Variants in RBFOX1 observed in about 807,000 individuals in gnomAD.
RBFOX1 encodes the protein RNA binding fox-1 homolog 1.
In RBFOX1, 8 loss-of-function variants were observed where a neutral mutation model predicts 57.7. The ratio of observed to expected loss-of-function variants is 0.14; its 90% confidence interval spans 0.08 to 0.25. The LOEUF is 0.25. Among genes scored for constraint, RBFOX1 ranks in the 10% least tolerant of loss-of-function variants. RBFOX1 has a pLI of 1.00. For missense variants in RBFOX1, 611 were observed against 548.5 expected, an observed-to-expected ratio of 1.11 and a Z score of -1.14; for synonymous variants, 326 against 222.4, an observed-to-expected ratio of 1.47 and a Z score of -4.15.
intron 4 of RBFOX1, among the ~76,000 whole-genome samples, chr16:7,286,445 C>CTTT (rs1555669859): frequency 2.1e-5 from 3 of 143,682 alleles, no homozygotes; most frequent in Admixed American, 7.1e-5. Flanking sequence ...TTGATACTTT[C>CTTT]TTATTTTTTT....
intron 1 of RBFOX1, among the ~76,000 whole-genome samples, chr16:6,130,766 C>G (rs532389488): frequency 3.3e-5 from 5 of 152,150 alleles, no homozygotes; most frequent in Admixed American, 6.6e-5. Flanking sequence ...GAAGTATTAG[C>G]AAAGTGGAAA....
chr16:5,516,447 A>G (rs1159090215), intron 2 of RBFOX1, among the ~76,000 whole-genome samples: 1 of 152,172 alleles, frequency 6.6e-6, no homozygotes, highest in Non-Finnish European at 1.5e-5. Flanking sequence ...TGCATAAGTT[A>G]CTTGACCTCT....
chr16:6,402,192 C>T (rs1440996698), intron 2 of RBFOX1, among the ~76,000 whole-genome samples: 2 of 152,080 alleles, frequency 1.3e-5, no homozygotes, highest in African/African-American at 2.4e-5. Flanking sequence ...GCTTGAGTCC[C>T]TGCAGTGTAC....
intron 4 of RBFOX1, among the ~76,000 whole-genome samples, chr16:7,248,002 C>G (rs568445481): frequency 6.6e-6 from 1 of 152,132 alleles, no homozygotes. Context: ...ACAAGTTTAC[C>G]CAAATAACAA....
chr16:6,520,219 T>C (rs1464520559), intron 2 of RBFOX1, among the ~76,000 whole-genome samples: 1 of 152,214 alleles, frequency 6.6e-6, no homozygotes, highest in East Asian at 1.9e-4. Context: ...ATGTGCTTTT[T>C]AAAGAAAGGA....
chr16:5,489,420 T>C (rs188852758), intron 2 of RBFOX1, among the ~76,000 whole-genome samples: 10 of 152,324 alleles, frequency 6.6e-5, no homozygotes, highest in African/African-American at 2.2e-4. Context: ...ATCAGCCAGG[T>C]AGGTTAAAAG....
chr16:7,708,445 A>G (rs2083209606), intron 14 of RBFOX1, among the ~76,000 whole-genome samples: 1 of 152,070 alleles, frequency 6.6e-6, no homozygotes, highest in Non-Finnish European at 1.5e-5. Context: ...CTGGCCATGG[A>G]TTAATGTGAC....
intron 3 of RBFOX1, among the ~76,000 whole-genome samples, chr16:6,974,212 G>T (rs941462140): frequency 3.3e-5 from 5 of 151,804 alleles, no homozygotes; most frequent in Non-Finnish European, 7.4e-5. Context: ...CCATGTCTTT[G>T]CTTAATGGGG....
At chr16:5,612,218 C>CATTG (rs1383793134) in intron 3 of RBFOX1, among the ~76,000 whole-genome samples, 4 of 150,618 alleles carry the variant, frequency 2.7e-5, no homozygotes, top group Non-Finnish European at 5.9e-5. Flanking sequence ...CACTCTCATT[C>CATTG]ATTCATTCAT....
chr16:5,875,153 C>T (rs929664822), intron 4 of RBFOX1, among the ~76,000 whole-genome samples: 1 of 152,174 alleles, frequency 6.6e-6, no homozygotes, highest in African/African-American at 2.4e-5. Flanking sequence ...TAATTGCAGC[C>T]ATCATTTACC....
chr16:5,464,849 G>A (rs1017135743), intron 1 of RBFOX1, among the ~76,000 whole-genome samples: 13 of 152,196 alleles, frequency 8.5e-5, no homozygotes, highest in Non-Finnish European at 1.8e-4. Flanking sequence ...AGGGGCTGGG[G>A]AGGCACAGGG....
At chr16:7,091,718 A>G (rs1287697912) in intron 4 of RBFOX1, among the ~76,000 whole-genome samples, 7 of 152,088 alleles carry the variant, frequency 4.6e-5, no homozygotes, top group African/African-American at 1.2e-4. Flanking sequence ...CATCCTCAGT[A>G]CTGGGGGAGC....
intron 2 of RBFOX1, among the ~76,000 whole-genome samples, chr16:6,611,781 C>A (rs1701303104): frequency 6.6e-6 from 1 of 152,148 alleles, no homozygotes; most frequent in African/African-American, 2.4e-5. Flanking sequence ...TTCCCCTTCT[C>A]TCTCTGCTTC....
intron 3 of RBFOX1, among the ~76,000 whole-genome samples, chr16:6,745,218 C>T (rs971667969): frequency 5.3e-5 from 8 of 151,872 alleles, no homozygotes; most frequent in Non-Finnish European, 8.8e-5. Context: ...ATTCCAAGCC[C>T]AGATGACTTT....
At chr16:6,490,026 A>G (rs1426153357) in intron 2 of RBFOX1, among the ~76,000 whole-genome samples, 1 of 152,192 alleles carries the variant, frequency 6.6e-6, no homozygotes, top group East Asian at 1.9e-4. Flanking sequence ...CATGTGGTCC[A>G]TGCCAGGTGG....
intron 1 of RBFOX1, among the ~76,000 whole-genome samples, chr16:6,187,334 A>G (rs1398332561): frequency 2.0e-5 from 3 of 152,134 alleles, no homozygotes; most frequent in Non-Finnish European, 4.4e-5. Context: ...GAGGAGGGAT[A>G]TTTTAAGCTA....
At chr16:5,694,165 G>A (rs181938498) in intron 3 of RBFOX1, among the ~76,000 whole-genome samples, 2 of 152,266 alleles carry the variant, frequency 1.3e-5, no homozygotes, top group East Asian at 1.9e-4. Flanking sequence ...ATGTGTGGCC[G>A]GGGATTTTGC....
chr16:6,116,961 G>T (rs529588215), intron 1 of RBFOX1, among the ~76,000 whole-genome samples: 1 of 152,170 alleles, frequency 6.6e-6, no homozygotes, highest in African/African-American at 2.4e-5. Flanking sequence ...GATAATCTCC[G>T]TTGGCAGATA....
intron 2 of RBFOX1, among the ~76,000 whole-genome samples, chr16:6,470,062 C>T (rs939212486): frequency 2.0e-5 from 3 of 152,166 alleles, no homozygotes; most frequent in African/African-American, 7.2e-5. Context: ...CTACTTTGTG[C>T]CTGATAGACA....
Sources: allele counts gnomAD v4.1 joint callset (sites outside exome capture counted in the v4.1 genomes callset), GRCh38; gene constraint gnomAD v4.1.1; transcripts MANE v1.5; gene names NCBI Gene and HGNC (gene_info 2026-07-23, HGNC 2026-07-21).